CELF6: variants seen among roughly 807,000 people sequenced by gnomAD.
CELF6 encodes the protein CUGBP Elav-like family member 6, also known as Bruno -like 6, RNA binding protein.
In CELF6, 32 loss-of-function variants were observed where a neutral mutation model predicts 53.1. The observed-to-expected ratio is 0.60, with a 90% CI of 0.46 to 0.81. The LOEUF (loss-of-function observed/expected upper bound fraction) is 0.81, where lower values mean the gene tolerates loss of function less well. CELF6 is among the 30% of genes least tolerant of loss of function. CELF6 has a pLI of 0.00. For missense variants in CELF6, 539 were observed against 669.5 expected, an observed-to-expected ratio of 0.81 and a Z score of 2.15; for synonymous variants, 291 against 288.8, an observed-to-expected ratio of 1.01 and a Z score of -0.08.
At chr15:72,303,960 C>T (rs1316961830) in intron 3 of CELF6, among the ~76,000 whole-genome samples, 7 of 152,132 alleles carry the variant, frequency 4.6e-5, no homozygotes, top group African/African-American at 1.4e-4. Context: ...CAGGTTTAAG[C>T]GATTCTCCTG....
chr15:72,306,889 A>G (rs1450275683), intron 2 of CELF6, among the ~76,000 whole-genome samples: 1 of 152,176 alleles, frequency 6.6e-6, no homozygotes, highest in Non-Finnish European at 1.5e-5. Context: ...GGAGAGATGA[A>G]GAAACACTGG....
intron 3 of CELF6, among the ~76,000 whole-genome samples, chr15:72,302,917 T>C (rs2088177387): frequency 6.6e-6 from 1 of 152,208 alleles, no homozygotes; most frequent in South Asian, 2.1e-4. Flanking sequence ...GTCCCCACAA[T>C]TCCCCTGGAC....
chr15:72,318,452 G>A (rs1325676627), intron 1 of CELF6, among the ~76,000 whole-genome samples: 2 of 152,172 alleles, frequency 1.3e-5, no homozygotes, highest in Non-Finnish European at 2.9e-5. Context: ...CTCTTTCCCA[G>A]CAAAAACTTG....
intron 2 of CELF6, among the ~76,000 whole-genome samples, chr15:72,310,546 C>CTTT (rs11400175): frequency 7.2e-5 from 10 of 138,350 alleles, no homozygotes; most frequent in Non-Finnish European, 9.3e-5. Flanking sequence ...CCAGAGTAAT[C>CTTT]TTTTTTTTTT....
intron 1 of CELF6, among the ~76,000 whole-genome samples, chr15:72,318,767 G>A (rs1340592434): frequency 1.3e-5 from 2 of 152,172 alleles, no homozygotes; most frequent in Non-Finnish European, 2.9e-5. Flanking sequence ...GGGAAAGAAA[G>A]AGGCCATAAA....
chr15:72,290,291 A>G, intron 3 of CELF6, 36 bp from the exon 4 acceptor site: 2 of 1,602,470 alleles, frequency 1.2e-6, no homozygotes, highest in Non-Finnish European at 1.7e-6. Context: ...GGGGACCCCA[A>G]GTCTTCCTAG....
intron 3 of CELF6, among the ~76,000 whole-genome samples, chr15:72,291,195 G>T (rs957363434): frequency 6.6e-6 from 1 of 152,202 alleles, no homozygotes; most frequent in Non-Finnish European, 1.5e-5. Context: ...GCAGGAAAGG[G>T]GCTGCAAGCT....
chr15:72,301,069 G>T (rs1407024273), intron 3 of CELF6, among the ~76,000 whole-genome samples: 1 of 151,468 alleles, frequency 6.6e-6, no homozygotes, highest in African/African-American at 2.4e-5. Flanking sequence ...CTGCAGCCTC[G>T]AACTCCTGGG....
At chr15:72,316,280 C>A (rs1285734340) in intron 1 of CELF6, among the ~76,000 whole-genome samples, 1 of 152,200 alleles carries the variant, frequency 6.6e-6, no homozygotes, top group Non-Finnish European at 1.5e-5. Flanking sequence ...TTAACCCAGA[C>A]TTCCCCTTCC....
In CELF6 at chr15:72,289,506, A is replaced by G; in HGVS notation, c.749T>C (p.Ile250Thr). ...CAGCAGGGCCGCCTGGTGCTGCAGG[A>G]TCTTTGAGAGGAAAGATGGGCGAGA... ...LGACGAYTTA[I>T]LQHQAALLAA... is the part of the protein sequence containing the mutation. The change falls in exon 7 of 13, where the codon ATC becomes ACC. Residue 250 changes from isoleucine (I) to threonine (T), a missense_variant and splice_region_variant. Ile to Thr is a moderately conservative substitution (Grantham distance 89). Transcript: ENST00000287202. This position sits in a 1 kb window ranked among gnomAD's most constrained non-coding sequence, Gnocchi z 7.6. 6.6e-7 allele frequency: 1 copy of G among 1,514,554 alleles called. No homozygotes were observed. Among genetic ancestry groups the G allele is most frequent in the Non-Finnish European group, 8.8e-7 (1 of 1,136,284 alleles). The allele number at this position is 1,514,554 out of a possible 1,614,324, so 93.8% of individuals were successfully genotyped here.
chr15:72,308,156 G>T (rs1006032987), intron 2 of CELF6, among the ~76,000 whole-genome samples: 1 of 152,164 alleles, frequency 6.6e-6, no homozygotes, highest in African/African-American at 2.4e-5. Flanking sequence ...ATCTTAACTT[G>T]CAGCGTTGTG....
At chr15:72,299,278 A>G (rs2088120090) in intron 3 of CELF6, among the ~76,000 whole-genome samples, 1 of 151,774 alleles carries the variant, frequency 6.6e-6, no homozygotes, top group East Asian at 1.9e-4. Flanking sequence ...AAATACATGA[A>G]CCTTGAATTT....
intron 3 of CELF6, among the ~76,000 whole-genome samples, chr15:72,294,274 A>T (rs2088045901): frequency 6.6e-6 from 1 of 152,164 alleles, no homozygotes; most frequent in South Asian, 2.1e-4. Context: ...AATCACCTCC[A>T]TGTTGGTGAA....
At chr15:72,305,696 C>T (rs2088217757) in intron 2 of CELF6, among the ~76,000 whole-genome samples, 1 of 152,128 alleles carries the variant, frequency 6.6e-6, no homozygotes, top group African/African-American at 2.4e-5. Context: ...CACACTCAGC[C>T]TCAGCTCCTC....
intron 3 of CELF6, 53 bp from the exon 4 acceptor site, chr15:72,290,308 G>A (rs1396329176): frequency 1.9e-6 from 3 of 1,575,876 alleles, no homozygotes; most frequent in Non-Finnish European, 2.6e-6. Context: ...CTAGACCCCC[G>A]AGAGTAGCCT....
In CELF6 at chr15:72,289,095, C is replaced by A; in HGVS notation, c.1030+43G>T. On this transcript the variant is annotated intron_variant, in intron 8 of 12. Coordinates refer to ENST00000287202, the MANE Select transcript of CELF6 (RefSeq NM_052840.5). This position sits in a 1 kb window ranked among gnomAD's most constrained non-coding sequence, Gnocchi z 7.6. Reference sequence around the variant, plus strand: ...GGCCCTAACCCCCCACCCCCCGCTCCCCACTCCATTTCGGGGGGATTTGGG... The same window carrying A: ...GGCCCTAACCCCCCACCCCCCGCTCACCACTCCATTTCGGGGGGATTTGGG... 6.9e-7 allele frequency: 1 copy of A among 1,447,298 alleles called. No individual in the cohort carries two copies. Among genetic ancestry groups the A allele is most frequent in the South Asian group, 1.4e-5 (1 of 70,672 alleles). The allele number at this position is 1,447,298 out of a possible 1,614,324, so 89.7% of individuals were successfully genotyped here.
At chr15:72,318,258 T>C (rs1443939207) in intron 1 of CELF6, among the ~76,000 whole-genome samples, 1 of 152,148 alleles carries the variant, frequency 6.6e-6, no homozygotes, top group Non-Finnish European at 1.5e-5. Context: ...AGCCAGATGG[T>C]CCTAGCTCTT....
chr15:72,317,834 C>A (rs955175214), intron 1 of CELF6, among the ~76,000 whole-genome samples: 5 of 152,168 alleles, frequency 3.3e-5, no homozygotes, highest in African/African-American at 1.2e-4. Context: ...CTCAGGGGCC[C>A]AGTTGCTGCC....
Position 72,287,486 on chromosome 15 carries a change from G to T in CELF6, c.1319-94C>A, listed in dbSNP as rs1201762785. ...CCCCCTCCTCTTCCAGCCCCGTCAGGCCAGTTCCATCAAACACATACCCCT... is the reference window on the plus strand; with the variant it reads ...CCCCCTCCTCTTCCAGCCCCGTCAGTCCAGTTCCATCAAACACATACCCCT... On this transcript the variant is annotated intron_variant, in intron 11 of 12. Transcript: ENST00000287202. 5.5e-6 allele frequency: 8 copies of T among 1,457,086 alleles called. No homozygotes were observed. The South Asian group carries it at 7.3e-5, about 13-fold the overall frequency. 90.3% of individuals were successfully genotyped at this position (1,457,086 alleles called of 1,614,324 possible).
Sources: gnomAD v4.1 joint callset for allele counts (sites outside exome capture counted in the v4.1 genomes callset) on GRCh38, gnomAD v4.1.1 for gene constraint, Gnocchi (gnomAD v3.1) non-coding constraint, MANE v1.5 for transcripts, NCBI Gene and HGNC (gene_info 2026-07-23, HGNC 2026-07-21) for gene names.